ATP11A: variants seen among roughly 807,000 people sequenced by gnomAD.
ATP11A encodes the protein phospholipid-transporting ATPase IH.
ATP11A carries 81 observed loss-of-function variants against 154.4 expected under a neutral mutation model. The ratio of observed to expected loss-of-function variants is 0.52; its 90% CI spans 0.44 to 0.63. The LOEUF is 0.63. ATP11A is among the 30% of genes least tolerant of loss of function. The pLI, the probability that ATP11A is intolerant of heterozygous loss-of-function variation, is 0.00. For missense variants in ATP11A, 1,316 were observed against 1,474.3 expected, an observed-to-expected ratio of 0.89 and a Z score of 1.76; for synonymous variants, 623 against 585.9, an observed-to-expected ratio of 1.06 and a Z score of -0.91.
chr13:112,866,534 G>A (rs932154673), intron 25 of ATP11A, among the ~76,000 whole-genome samples: 5 of 151,600 alleles, frequency 3.3e-5, no homozygotes, highest in Admixed American at 6.6e-5. Flanking sequence ...CCAGGCATTC[G>A]GTAGATGTCA....
chr13:112,845,839 T>C (rs1158197471), intron 17 of ATP11A, among the ~76,000 whole-genome samples: 2 of 149,782 alleles, frequency 1.3e-5, no homozygotes, highest in African/African-American at 4.9e-5. Flanking sequence ...GCACTAGCAG[T>C]ACTAACCAGT....
rs1280402815 is a variant in ATP11A, at chr13:112,696,073, G to T, written c.39+5618G>T. ...TTCCGTCTCGGCTGACGGCTGCGTG[G>T]CCTTGGCAAGTTGGTTGCCCCCTGT... is the stretch of plus-strand genomic sequence containing the variant. On this transcript the variant is annotated intron_variant, in intron 1 of 29. Transcript: ENST00000375645. The surrounding 1 kb of genome is among the most constrained non-coding windows in gnomAD (Gnocchi z 6.2). 6.6e-6 allele frequency among the ~76,000 whole-genome samples: 1 copy of T among 152,204 alleles called. No individual in the cohort carries two copies. The highest frequency in any genetic ancestry group is 1.5e-5 in the Non-Finnish European group (1 of 68,038).
chr13:112,830,931 C>T (rs1047438940), intron 12 of ATP11A, among the ~76,000 whole-genome samples: 3 of 152,156 alleles, frequency 2.0e-5, no homozygotes, highest in Non-Finnish European at 4.4e-5. Flanking sequence ...TTTTGACCTC[C>T]AAGACTGTAT....
intron 1 of ATP11A, among the ~76,000 whole-genome samples, chr13:112,736,877 G>A (rs1891051745): frequency 1.3e-5 from 2 of 152,164 alleles, no homozygotes; most frequent in South Asian, 4.1e-4. Flanking sequence ...GAGAGGATTG[G>A]CAGAGCGCAG....
chr13:112,881,498 T>C (rs956273097), intron 29 of ATP11A: 21 of 1,105,786 alleles, frequency 1.9e-5, no homozygotes, highest in Admixed American at 4.5e-5. Context: ...AGGAAGCTCG[T>C]AGGTTTCCCG....
intron 5 of ATP11A, among the ~76,000 whole-genome samples, chr13:112,815,633 T>G (rs1353566129): frequency 6.6e-6 from 1 of 152,250 alleles, no homozygotes; most frequent in Non-Finnish European, 1.5e-5. Context: ...TTTACTTTAG[T>G]TTTTGAAACA....
chr13:112,757,470 C>G (rs1020081265), intron 1 of ATP11A, among the ~76,000 whole-genome samples: 1 of 152,244 alleles, frequency 6.6e-6, no homozygotes, highest in Non-Finnish European at 1.5e-5. Context: ...AAGGTCTATT[C>G]AGGTCAAGAC....
intron 3 of ATP11A, among the ~76,000 whole-genome samples, chr13:112,805,566 C>T (rs999268271): frequency 3.3e-5 from 5 of 151,546 alleles, no homozygotes; most frequent in East Asian, 1.9e-4. Flanking sequence ...GTCCCAGCTA[C>T]GCGGGAGGCT....
At chr13:112,740,239 G>A (rs1435960239) in intron 1 of ATP11A, among the ~76,000 whole-genome samples, 1 of 151,716 alleles carries the variant, frequency 6.6e-6, no homozygotes, top group Non-Finnish European at 1.5e-5. Context: ...GAGTGGAATG[G>A]TGCTATCTCG....
intron 1 of ATP11A, among the ~76,000 whole-genome samples, chr13:112,769,055 G>T (rs764270161): frequency 4.6e-5 from 7 of 152,182 alleles, no homozygotes; most frequent in Non-Finnish European, 8.8e-5. Flanking sequence ...TTTGTGGTCG[G>T]GGGTGGAACT....
At chr13:112,737,791 G>A (rs969011619) in intron 1 of ATP11A, among the ~76,000 whole-genome samples, 4 of 152,178 alleles carry the variant, frequency 2.6e-5, no homozygotes, top group African/African-American at 7.2e-5. Flanking sequence ...AAGCAGCTCC[G>A]TGTCTTGGAT....
In ATP11A at chr13:112,701,636, T is replaced by C. The variant is rs137909060; in HGVS notation, c.39+11181T>C. ...TCACGAGGTCGGGAGATCGAGACCA[T>C]CCTGGCTAACACGATGAAACCCCGT... On this transcript the variant is annotated intron_variant, in intron 1 of 29. Coordinates refer to ENST00000375645, the MANE Select transcript of ATP11A (RefSeq NM_015205.3). 3.3e-3 allele frequency among the ~76,000 whole-genome samples: 502 copies of C among 151,548 alleles called. 4 individuals carry two copies. The highest frequency in any genetic ancestry group is 0.012 in the African/African-American group (487 of 41,286).
At chr13:112,877,238 C>T (rs937030091) in intron 28 of ATP11A, among the ~76,000 whole-genome samples, 1 of 152,218 alleles carries the variant, frequency 6.6e-6, no homozygotes, top group Non-Finnish European at 1.5e-5. Flanking sequence ...AGCCGGGGCC[C>T]TGGCTGAGAC....
chr13:112,844,770 A>C lies in ATP11A; in HGVS notation c.1809+2391A>C, dbSNP rs9550224. On this transcript the variant is annotated intron_variant, in intron 17 of 29. Coordinates refer to ENST00000375645, the MANE Select transcript of ATP11A (RefSeq NM_015205.3). ...ACTAGTCCAAGTGCCGGGCACTAGCAGTACTAACCAGTCCAGTTGCCGGGT... is the reference window on the plus strand; with the variant it reads ...ACTAGTCCAAGTGCCGGGCACTAGCCGTACTAACCAGTCCAGTTGCCGGGT... Among the ~76,000 whole-genome samples the C allele has an allele frequency of 1.7e-4, 15 of 88,960 alleles. No homozygotes were observed. In the East Asian group the frequency reaches 5.4e-3, roughly 32 times the overall value. The allele number at this position is 88,960 out of a possible 152,430, so 58.4% of individuals were successfully genotyped here. A position where few individuals can be genotyped will look rare whatever the true frequency, so the allele number is the denominator to read the frequency against.
intron 16 of ATP11A, among the ~76,000 whole-genome samples, chr13:112,841,820 A>T (rs1344890656): frequency 6.6e-6 from 1 of 152,234 alleles, no homozygotes; most frequent in Non-Finnish European, 1.5e-5. Flanking sequence ...GGAAAAAATG[A>T]CGCAAACGTT....
intron 29 of ATP11A, 188 bp downstream of exon 29, chr13:112,878,491 G>A: frequency 1.6e-6 from 1 of 625,220 alleles, no homozygotes; most frequent in Non-Finnish European, 2.8e-6. Context: ...CATGGGCTGT[G>A]CTTTCCATCA....
chr13:112,854,608 C>T (rs2079870846), intron 19 of ATP11A, 78 bp downstream of exon 19: 8 of 1,496,380 alleles, frequency 5.3e-6, no homozygotes, highest in South Asian at 2.5e-5. Flanking sequence ...ACCTGCAAGT[C>T]GGGGAGCCGC....
At chr13:112,857,003 A>G (rs571358101) in intron 20 of ATP11A, among the ~76,000 whole-genome samples, 247 of 152,382 alleles carry the variant, frequency 1.6e-3, no homozygotes, top group Non-Finnish European at 1.7e-3. Context: ...TCTCCCTCAC[A>G]TGCGTAACTG....
At chr13:112,849,601 G>T (rs947961428) in intron 17 of ATP11A, among the ~76,000 whole-genome samples, 9 of 152,232 alleles carry the variant, frequency 5.9e-5, no homozygotes, top group African/African-American at 2.2e-4. Context: ...AAAAGTCAGA[G>T]AATTCATTCT....
Sources: allele counts gnomAD v4.1 joint callset (sites outside exome capture counted in the v4.1 genomes callset), GRCh38; gene constraint gnomAD v4.1.1; non-coding constraint Gnocchi (gnomAD v3.1); transcripts MANE v1.5; gene names NCBI Gene and HGNC (gene_info 2026-07-23, HGNC 2026-07-21).